LRRC28: variants seen among roughly 807,000 people sequenced by gnomAD.
LRRC28 encodes the protein leucine-rich repeat-containing protein 28.
Under a neutral mutation model 45.7 loss-of-function variants are expected in LRRC28, and 39 were observed. That is an observed-to-expected ratio of 0.85 (90% confidence interval 0.66 to 1.12). The LOEUF (loss-of-function observed/expected upper bound fraction) is 1.12. Among genes scored for constraint, LRRC28 ranks in the 50% most tolerant of loss-of-function variants. The pLI is 0.00. For synonymous variants in LRRC28, 206 were observed against 178.8 expected (o/e 1.15, Z -1.22); for missense variants, 435 against 438.5 (o/e 0.99, Z 0.07).
In LRRC28 at chr15:99,386,762, T is replaced by C. The variant is rs1958005837; in HGVS notation, c.*660T>C. On this transcript the variant is annotated 3_prime_UTR_variant, in exon 10 of 10. Transcript: ENST00000301981. ...GGGATTTTAAAAACAAAAATGTAGATTGTAATGAAATACACTTCCTGTTTT... is the reference window on the plus strand; with the variant it reads ...GGGATTTTAAAAACAAAAATGTAGACTGTAATGAAATACACTTCCTGTTTT... The C allele has an allele frequency of 6.6e-6, 1 of 152,224 alleles. No homozygotes were observed. Among genetic ancestry groups the C allele is most frequent in the African/African-American group, 2.4e-5 (1 of 41,466 alleles). The allele number at this position is 152,224 out of a possible 1,614,324, so 9.4% of individuals were successfully genotyped here.
At chr15:99,347,244 C>G (rs1311432720) in intron 6 of LRRC28, among the ~76,000 whole-genome samples, 1 of 151,288 alleles carries the variant, frequency 6.6e-6, no homozygotes, top group Non-Finnish European at 1.5e-5. Flanking sequence ...GAGTCTCCCT[C>G]TGTCACCCAG....
rs2081619821 is a variant in LRRC28, at chr15:99,276,488, A to T, written c.169-88A>T. 4 of 1,077,800 alleles carry T rather than the reference A, an allele frequency of 3.7e-6. No individual in the cohort carries two copies. The Admixed American group carries it at 9.1e-5, about 25-fold the overall frequency. The allele number at this position is 1,077,800 out of a possible 1,614,324, so 66.8% of individuals were successfully genotyped here. ...CATTTTCTCAAAATTTACACCCCTCAAAAAGGTAGTACTTTGTATTTAAAC... is the reference window on the plus strand; with the variant it reads ...CATTTTCTCAAAATTTACACCCCTCTAAAAGGTAGTACTTTGTATTTAAAC... On this transcript the variant is annotated intron_variant, in intron 2 of 9. Coordinates refer to ENST00000301981, the MANE Select transcript of LRRC28 (RefSeq NM_144598.5).
intron 5 of LRRC28, among the ~76,000 whole-genome samples, chr15:99,327,229 C>A (rs918265526): frequency 6.6e-6 from 1 of 152,076 alleles, no homozygotes; most frequent in Admixed American, 6.6e-5. Context: ...TGTGCACCAC[C>A]ACACCCAGCT....
intron 2 of LRRC28, among the ~76,000 whole-genome samples, chr15:99,274,775 C>A (rs192479926): frequency 7.4e-4 from 112 of 152,246 alleles, no homozygotes; most frequent in African/African-American, 2.6e-3. Context: ...GTAGTTATAG[C>A]AGAATGGATT....
chr15:99,312,679 A>G (rs1955456539), intron 5 of LRRC28, among the ~76,000 whole-genome samples: 2 of 152,240 alleles, frequency 1.3e-5, no homozygotes, highest in Admixed American at 6.5e-5. Context: ...TGTTTATACC[A>G]GCATCATCAC....
chr15:99,304,032 C>T (rs1029952766), intron 5 of LRRC28, among the ~76,000 whole-genome samples: 3 of 152,140 alleles, frequency 2.0e-5, no homozygotes, highest in Non-Finnish European at 4.4e-5. Context: ...ATAACCTGTA[C>T]GGATATACTA....
intron 7 of LRRC28, among the ~76,000 whole-genome samples, chr15:99,357,526 G>C (rs186602743): frequency 2.0e-5 from 3 of 152,264 alleles, no homozygotes; most frequent in African/African-American, 7.2e-5. Flanking sequence ...CCAGACTATA[G>C]TGTTAGAATT....
intron 6 of LRRC28, among the ~76,000 whole-genome samples, chr15:99,348,372 C>T (rs559631569): frequency 2.6e-5 from 4 of 152,140 alleles, no homozygotes; most frequent in African/African-American, 9.6e-5. Context: ...AGCTTTTCTC[C>T]TATGTTTTAT....
chr15:99,367,892 A>T (rs953790698), intron 9 of LRRC28, among the ~76,000 whole-genome samples: 9 of 152,140 alleles, frequency 5.9e-5, no homozygotes, highest in African/African-American at 2.2e-4. Flanking sequence ...CCAAAGGTCA[A>T]GGATGGGGCT....
At chr15:99,348,094 T>G (rs1163325339) in intron 6 of LRRC28, among the ~76,000 whole-genome samples, 1 of 152,210 alleles carries the variant, frequency 6.6e-6, no homozygotes, top group African/African-American at 2.4e-5. Flanking sequence ...AATGTCTGTT[T>G]AGATGCTTTG....
chr15:99,378,831 A>C (rs374594693), intron 9 of LRRC28, among the ~76,000 whole-genome samples: 206 of 152,128 alleles, frequency 1.4e-3, no homozygotes, highest in African/African-American at 4.0e-3. Flanking sequence ...TGTTTATATG[A>C]TGGATTACAT....
rs577860856 is a variant in LRRC28 at position 99,274,069 on chromosome 15, T to G, written c.169-2507T>G. On this transcript the variant is annotated intron_variant, in intron 2 of 9. Coordinates refer to ENST00000301981, the MANE Select transcript of LRRC28 (RefSeq NM_144598.5). ...GGAACATCTGAGAAATGACTAGTTA[T>G]GATGGATCTTGTTGCATATATCAGT... Among the ~76,000 whole-genome samples, 3 of 152,364 alleles carry G rather than the reference T, an allele frequency of 2.0e-5. 1 individual carries two copies. The South Asian group carries it at 6.2e-4, about 32-fold the overall frequency.
intron 2 of LRRC28, chr15:99,258,591 A>G (rs2081097315): frequency 1.3e-6 from 1 of 750,478 alleles, no homozygotes; most frequent in Non-Finnish European, 2.4e-6. Flanking sequence ...AAAGACTAAA[A>G]AAGTTGAAAA....
rs138871336 is a variant in LRRC28, at chr15:99,333,076, A to G, written c.386-847A>G. On this transcript the variant is annotated intron_variant, in intron 5 of 9. Coordinates refer to ENST00000301981, the MANE Select transcript of LRRC28 (RefSeq NM_144598.5). ...AGTGCTGACTGTAGGTCTTCAGTGT[A>G]ATGTGCTGACCTGGGAAACAGTAAA... is the stretch of plus-strand genomic sequence containing the variant. Among the ~76,000 whole-genome samples, 118 of 152,276 alleles carry G rather than the reference A, an allele frequency of 7.7e-4. 1 individual carries two copies. The highest frequency in any genetic ancestry group is 2.7e-3 in the African/African-American group (113 of 41,562).
chr15:99,307,239 G>A (rs1349657801), intron 5 of LRRC28, among the ~76,000 whole-genome samples: 1 of 152,172 alleles, frequency 6.6e-6, no homozygotes, highest in Non-Finnish European at 1.5e-5. Context: ...GATACAGGGT[G>A]CAGGGTCCAC....
At chr15:99,373,089 A>G (rs1957529855) in intron 9 of LRRC28, among the ~76,000 whole-genome samples, 1 of 152,162 alleles carries the variant, frequency 6.6e-6, no homozygotes, top group South Asian at 2.1e-4. Flanking sequence ...GGGAATTACA[A>G]TTCAAGATGA....
chr15:99,378,838 A>G (rs1957725518), intron 9 of LRRC28, among the ~76,000 whole-genome samples: 2 of 152,208 alleles, frequency 1.3e-5, no homozygotes, highest in South Asian at 2.1e-4. Flanking sequence ...ATGATGGATT[A>G]CATTTATTGA....
At chr15:99,339,080 G>C (rs1318118398) in intron 6 of LRRC28, among the ~76,000 whole-genome samples, 1 of 144,480 alleles carries the variant, frequency 6.9e-6, no homozygotes, top group Non-Finnish European at 1.5e-5. Context: ...ATTCAATACA[G>C]CTCTGTTAAC....
At chr15:99,379,780 G>T (rs1480960331) in intron 9 of LRRC28, among the ~76,000 whole-genome samples, 1 of 152,152 alleles carries the variant, frequency 6.6e-6, no homozygotes, top group African/African-American at 2.4e-5. Flanking sequence ...CTTTATTTCT[G>T]CCTTCATTTC....
Sources: allele counts gnomAD v4.1 joint callset (sites outside exome capture counted in the v4.1 genomes callset), GRCh38; gene constraint gnomAD v4.1.1; transcripts MANE v1.5; gene names NCBI Gene and HGNC (gene_info 2026-07-23, HGNC 2026-07-21).